Variants in SLC38A6 observed in about 807,000 individuals in gnomAD.
The protein encoded by SLC38A6 is solute carrier family 38 member 6.
SLC38A6 carries 73 observed loss-of-function variants against 65.0 expected under a neutral mutation model. The ratio of observed to expected loss-of-function variants is 1.12; its 90% CI spans 0.93 to 1.37. The LOEUF is 1.37. Among genes scored for constraint, SLC38A6 ranks in the 40% most tolerant of loss-of-function variants. The pLI is 0.00. For missense variants in SLC38A6, 561 were observed against 531.1 expected (o/e 1.06, Z -0.55); for synonymous variants, 183 against 178.8 (o/e 1.02, Z -0.19).
At chr14:60,987,188 A>G (rs1011732181) in intron 3 of SLC38A6, 22 of 264,566 alleles carry the variant, frequency 8.3e-5, no homozygotes, top group Middle Eastern at 4.8e-4. Context: ...TTTTTTTTCA[A>G]TACATACATT....
At chr14:61,070,662 T>G (rs2043198152) in intron 15 of SLC38A6, among the ~76,000 whole-genome samples, 1 of 152,236 alleles carries the variant, frequency 6.6e-6, no homozygotes, top group South Asian at 2.1e-4. Context: ...TTGCACTATT[T>G]TATGTTTCTA....
intron 15 of SLC38A6, among the ~76,000 whole-genome samples, chr14:61,066,186 A>G (rs1295405352): frequency 6.6e-6 from 1 of 152,214 alleles, no homozygotes. Context: ...TATTCTTCTG[A>G]TAATCTTCCT....
intron 13 of SLC38A6, 48 bp downstream of exon 13, chr14:61,050,684 T>G (rs759636596): frequency 7.1e-7 from 1 of 1,404,372 alleles, no homozygotes; most frequent in East Asian, 2.5e-5. Flanking sequence ...CGCTTCCTAA[T>G]AGGGAAACAC....
At chr14:61,033,789 A>C (rs1355426843) in intron 6 of SLC38A6, among the ~76,000 whole-genome samples, 2 of 152,142 alleles carry the variant, frequency 1.3e-5, no homozygotes, top group African/African-American at 2.4e-5. Context: ...CACTGTATTT[A>C]AAATTGGCTT....
chr14:61,017,946 T>A (rs1231811054), intron 4 of SLC38A6, among the ~76,000 whole-genome samples: 1 of 152,202 alleles, frequency 6.6e-6, no homozygotes, highest in Non-Finnish European at 1.5e-5. Context: ...ATAAAGAAAT[T>A]TTTTGAAATG....
At chr14:61,033,475 G>A (rs1207941612) in intron 6 of SLC38A6, among the ~76,000 whole-genome samples, 1 of 151,980 alleles carries the variant, frequency 6.6e-6, no homozygotes, top group Non-Finnish European at 1.5e-5. Flanking sequence ...ATCACAGTAG[G>A]AAAACAGGAG....
chr14:61,043,381 T>C, intron 9 of SLC38A6, 69 bp from the exon 10 acceptor site: 2 of 1,296,428 alleles, frequency 1.5e-6, no homozygotes, highest in Non-Finnish European at 2.2e-6. Flanking sequence ...AAATTCATCA[T>C]TTTTATTGAT....
intron 3 of SLC38A6, among the ~76,000 whole-genome samples, chr14:61,012,163 A>ATT: frequency 1.1e-4 from 16 of 152,218 alleles, no homozygotes; most frequent in Admixed American, 3.9e-4. Context: ...TTTCTAGTTT[A>ATT]TTTGCATAGA....
chr14:60,995,844 T>C (rs1210285621), intron 3 of SLC38A6, among the ~76,000 whole-genome samples: 1 of 151,902 alleles, frequency 6.6e-6, no homozygotes, highest in African/African-American at 2.4e-5. Context: ...ATGCAGAAAA[T>C]AAAAAAGATC....
chr14:60,982,878 T>C (rs2037166644), intron 2 of SLC38A6, among the ~76,000 whole-genome samples: 1 of 152,224 alleles, frequency 6.6e-6, no homozygotes, highest in Non-Finnish European at 1.5e-5. Flanking sequence ...ACATTTCATT[T>C]ATAATGAAAT....
chr14:61,024,640 A>C (rs1594633821), intron 5 of SLC38A6, among the ~76,000 whole-genome samples: 1 of 152,214 alleles, frequency 6.6e-6, no homozygotes, highest in East Asian at 1.9e-4. Context: ...GTATTATGTG[A>C]TTCTTTTCTT....
chr14:61,046,699 C>T (rs1243801529), intron 12 of SLC38A6, among the ~76,000 whole-genome samples: 2 of 152,240 alleles, frequency 1.3e-5, no homozygotes, highest in South Asian at 2.1e-4. Flanking sequence ...ATTATTTTTA[C>T]AGGTTCTTTT....
intron 9 of SLC38A6, 72 bp downstream of exon 9, chr14:61,043,284 T>C: frequency 8.6e-7 from 1 of 1,167,444 alleles, no homozygotes. Context: ...GACTAATGAT[T>C]CTTTTCTGAT....
intron 4 of SLC38A6, among the ~76,000 whole-genome samples, chr14:61,018,701 C>G (rs1382848295): frequency 6.6e-6 from 1 of 152,196 alleles, no homozygotes; most frequent in Non-Finnish European, 1.5e-5. Flanking sequence ...CCCCAGGAAT[C>G]TCATCAAAGA....
At chr14:61,068,666 C>G (rs1412892207) in intron 15 of SLC38A6, among the ~76,000 whole-genome samples, 1 of 152,238 alleles carries the variant, frequency 6.6e-6, no homozygotes, top group Non-Finnish European at 1.5e-5. Context: ...GCCCCCAACA[C>G]ATGGTAGTGC....
At chr14:60,987,473 G>A (rs1381755833) in intron 3 of SLC38A6, 1 of 152,168 alleles carries the variant, frequency 6.6e-6, no homozygotes, top group Non-Finnish European at 1.5e-5. Flanking sequence ...GAGCTGAGGT[G>A]GAATGTAAAG....
intron 3 of SLC38A6, among the ~76,000 whole-genome samples, chr14:60,989,230 C>T (rs1399563873): frequency 6.6e-6 from 1 of 152,204 alleles, no homozygotes; most frequent in Non-Finnish European, 1.5e-5. Flanking sequence ...GCCTACCCCC[C>T]AACTTGTGCT....
chr14:61,051,121 G>A (rs2042483251), intron 13 of SLC38A6, among the ~76,000 whole-genome samples: 1 of 152,172 alleles, frequency 6.6e-6, no homozygotes, highest in Admixed American at 6.5e-5. Flanking sequence ...ATTGCATCTG[G>A]TTGCTATACT....
intron 3 of SLC38A6, among the ~76,000 whole-genome samples, chr14:61,003,820 AC>A (rs1173213417): frequency 6.6e-6 from 1 of 152,158 alleles, no homozygotes; most frequent in Non-Finnish European, 1.5e-5. Context: ...AATTTTTGCA[AC>A]AAAAGAAGTC....
Sources: gnomAD v4.1 joint callset for allele counts (sites outside exome capture counted in the v4.1 genomes callset) on GRCh38, gnomAD v4.1.1 for gene constraint, MANE v1.5 for transcripts, NCBI Gene and HGNC (gene_info 2026-07-23, HGNC 2026-07-21) for gene names.